ROR1: variants seen among roughly 807,000 people sequenced by gnomAD.
The protein encoded by ROR1 is ROR family WNT receptor 1.
Under a neutral mutation model 78.8 loss-of-function variants are expected in ROR1, and 19 were observed. The ratio of observed to expected loss-of-function variants is 0.24; its 90% CI spans 0.17 to 0.35. The LOEUF (loss-of-function observed/expected upper bound fraction) is 0.35, where lower values mean the gene tolerates loss of function less well. Ranked by LOEUF, ROR1 falls within the 10% of genes least tolerant of loss-of-function variation. ROR1 has a pLI of 1.00. For synonymous variants in ROR1, 386 were observed against 433.6 expected (o/e 0.89, Z 1.36); for missense variants, 917 against 1,177.8 (o/e 0.78, Z 3.24).
intron 4 of ROR1, among the ~76,000 whole-genome samples, chr1:64,136,516 G>T (rs911330043): frequency 6.6e-6 from 1 of 151,912 alleles, no homozygotes; most frequent in Admixed American, 6.6e-5. Context: ...GTAGGCCCTC[G>T]TGGGAGATGG....
intron 1 of ROR1, among the ~76,000 whole-genome samples, chr1:63,978,905 G>A (rs932930915): frequency 1.3e-5 from 2 of 152,214 alleles, no homozygotes; most frequent in African/African-American, 4.8e-5. Flanking sequence ...GGAAAGGGCC[G>A]ATGCTGTAGT....
chr1:63,849,548 A>T (rs1021709128), intron 1 of ROR1, among the ~76,000 whole-genome samples: 1 of 152,102 alleles, frequency 6.6e-6, no homozygotes, highest in Admixed American at 6.6e-5. Flanking sequence ...AAATAAAAAA[A>T]GTTGGCGGGG....
chr1:63,884,095 C>T (rs116809452), intron 1 of ROR1, among the ~76,000 whole-genome samples: 127 of 152,288 alleles, frequency 8.3e-4, no homozygotes, highest in African/African-American at 3.0e-3. Flanking sequence ...ACAGGCATTT[C>T]GGTGGCTTTG....
At chr1:63,938,964 C>G (rs375690692) in intron 1 of ROR1, among the ~76,000 whole-genome samples, 2 of 152,098 alleles carry the variant, frequency 1.3e-5, no homozygotes, top group East Asian at 1.9e-4. Flanking sequence ...TGCCACCGCA[C>G]TGCAGCTTGG....
chr1:63,920,473 A>T (rs1161804649), intron 1 of ROR1, among the ~76,000 whole-genome samples: 1 of 152,206 alleles, frequency 6.6e-6, no homozygotes, highest in Admixed American at 6.5e-5. Context: ...TTAATGCTTA[A>T]GGCTACCTTT....
intron 4 of ROR1, among the ~76,000 whole-genome samples, chr1:64,103,812 A>G (rs1222869113): frequency 1.3e-5 from 2 of 152,100 alleles, no homozygotes; most frequent in Non-Finnish European, 2.9e-5. Context: ...AAAGGTTTCT[A>G]TCTAAAAGGA....
chr1:63,816,764 GC>G (rs766896627), intron 1 of ROR1, among the ~76,000 whole-genome samples: 3 of 152,196 alleles, frequency 2.0e-5, no homozygotes, highest in Non-Finnish European at 4.4e-5. Context: ...TCCTTGAGCA[GC>G]CATGTCTTCA....
At chr1:63,840,343 G>A (rs949132116) in intron 1 of ROR1, among the ~76,000 whole-genome samples, 1 of 150,524 alleles carries the variant, frequency 6.6e-6, no homozygotes, top group African/African-American at 2.5e-5. Context: ...GCAATGGTGC[G>A]ATCTCGGCTC....
rs10709706 is a variant in ROR1 at position 64,179,024 on chromosome 1, G to GAAAAAA, written c.*186_*191dup. On this transcript the variant is annotated 3_prime_UTR_variant, in exon 9 of 9. Coordinates refer to ENST00000371079, the MANE Select transcript of ROR1 (RefSeq NM_005012.4). ...ACCAAGCAGGACAGACACTCGGCCA[G>GAAAAAA]AAAAAAAAAAAAAAAAAAAAAACAA... 1.9e-5 allele frequency: 3 copies of GAAAAAA among 157,836 alleles called. No homozygotes were observed. Among genetic ancestry groups the GAAAAAA allele is most frequent in the East Asian group, 3.7e-4 (2 of 5,404 alleles). 9.8% of individuals were successfully genotyped at this position (157,836 alleles called of 1,614,324 possible).
intron 1 of ROR1, among the ~76,000 whole-genome samples, chr1:63,847,529 G>C (rs140218099): frequency 2.2e-4 from 33 of 152,256 alleles, no homozygotes; most frequent in African/African-American, 6.5e-4. Flanking sequence ...CTGCCAGAAG[G>C]ATCTGAGGCA....
At chr1:64,080,405 C>T (rs1647091466) in intron 4 of ROR1, among the ~76,000 whole-genome samples, 1 of 152,130 alleles carries the variant, frequency 6.6e-6, no homozygotes, top group African/African-American at 2.4e-5. Context: ...GTTAAGAGAC[C>T]ATGGTCTGTT....
intron 1 of ROR1, among the ~76,000 whole-genome samples, chr1:63,818,983 T>C (rs1172330065): frequency 6.6e-6 from 1 of 152,034 alleles, no homozygotes; most frequent in East Asian, 1.9e-4. Context: ...CCCTAGAAGG[T>C]TACTACTAAT....
intron 4 of ROR1, among the ~76,000 whole-genome samples, chr1:64,102,328 C>T (rs1219757043): frequency 1.3e-5 from 2 of 152,140 alleles, no homozygotes; most frequent in Non-Finnish European, 2.9e-5. Context: ...TGCCTCTATC[C>T]CTGTCAGTGT....
chr1:64,173,253 A>C (rs770433371), intron 8 of ROR1, among the ~76,000 whole-genome samples: 3 of 152,070 alleles, frequency 2.0e-5, no homozygotes, highest in African/African-American at 2.4e-5. Context: ...AAACCCCCCA[A>C]ATTTAGTTTT....
chr1:64,133,663 G>T (rs1396173566), intron 4 of ROR1, among the ~76,000 whole-genome samples: 1 of 152,178 alleles, frequency 6.6e-6, no homozygotes, highest in Non-Finnish European at 1.5e-5. Flanking sequence ...GGCGCACGCT[G>T]GTGCCAGCCA....
chr1:63,935,006 CTGTT>C (rs1459816064), intron 1 of ROR1, among the ~76,000 whole-genome samples: 2 of 146,954 alleles, frequency 1.4e-5, no homozygotes, highest in African/African-American at 2.5e-5. Context: ...ATCTCCAGCT[CTGTT>C]TGATTTGGGA....
chr1:63,990,804 CA>C (rs1343038401), intron 1 of ROR1, among the ~76,000 whole-genome samples: 38 of 151,894 alleles, frequency 2.5e-4, no homozygotes, highest in South Asian at 1.9e-3. Flanking sequence ...AGAACAAAAA[CA>C]AAACAAAAAG....
chr1:63,978,214 G>A (rs1014146945), intron 1 of ROR1, among the ~76,000 whole-genome samples: 8 of 152,132 alleles, frequency 5.3e-5, no homozygotes, highest in African/African-American at 1.9e-4. Context: ...GAAAGTAAAC[G>A]GGAAATTCAT....
intron 1 of ROR1, chr1:63,788,914 C>T (rs532632627): frequency 1.6e-5 from 14 of 867,822 alleles, no homozygotes; most frequent in African/African-American, 5.0e-5. Context: ...TTTTTGAACA[C>T]GTTCCCCTTA....
Sources: allele counts gnomAD v4.1 joint callset (sites outside exome capture counted in the v4.1 genomes callset), GRCh38; gene constraint gnomAD v4.1.1; transcripts MANE v1.5; gene names NCBI Gene and HGNC (gene_info 2026-07-23, HGNC 2026-07-21).